The following MTHFD1 variants were observed in gnomAD, a reference collection of about 807,000 sequenced individuals.
MTHFD1 encodes the protein methylenetetrahydrofolate dehydrogenase, cyclohydrolase and formyltetrahydrofolate synthetase 1, also known as C-1-tetrahydrofolate synthase, cytoplasmic.
MTHFD1 carries 44 observed loss-of-function variants against 110.3 expected under a neutral mutation model. The observed-to-expected ratio is 0.40, with a 90% CI of 0.31 to 0.51. MTHFD1 has a LOEUF of 0.51. MTHFD1 is among the 20% of genes least tolerant of loss of function. MTHFD1 has a pLI of 0.60. For synonymous variants in MTHFD1, 402 were observed against 428.8 expected, an observed-to-expected ratio of 0.94 and a Z score of 0.77; for missense variants, 909 against 1,173.1, an observed-to-expected ratio of 0.77 and a Z score of 3.29.
At chr14:64,439,918 A>AAT (rs1566570695) in intron 17 of MTHFD1, among the ~76,000 whole-genome samples, 24 of 135,418 alleles carry the variant, frequency 1.8e-4, no homozygotes, top group East Asian at 4.6e-4. Context: ...AAAAAAAAAA[A>AAT]TGACAACTCA....
intron 24 of MTHFD1, among the ~76,000 whole-genome samples, chr14:64,450,203 AAGTAC>A (rs1045156059): frequency 3.3e-5 from 5 of 152,244 alleles, no homozygotes; most frequent in Non-Finnish European, 7.3e-5. Context: ...AAAAGGGTCA[AAGTAC>A]AGGTGGCAGA....
chr14:64,406,490 G>GT (rs56712265), intron 2 of MTHFD1, among the ~76,000 whole-genome samples: 7,705 of 123,084 alleles, frequency 0.063, 459 homozygotes, highest in African/African-American at 0.11. Context: ...TTTATTTGTG[G>GT]TTTTTTTTTT....
chr14:64,454,743 C>G lies in MTHFD1; in HGVS notation c.2586C>G (p.Ile862Met), dbSNP rs758744440. ...YTKQGFGNLP[I>M]CMAKTHLSLS... Reference sequence around the variant, plus strand: ...CCCAGGGCTTTGGGAATCTCCCCATCTGCATGGCTAAAACACACTTGTCTT... The same window carrying G: ...CCCAGGGCTTTGGGAATCTCCCCATGTGCATGGCTAAAACACACTTGTCTT... Residue 862 changes from isoleucine to methionine, a missense_variant, in exon 26 of 28, where the codon ATC (isoleucine) becomes ATG (methionine). Physicochemically the swap from Ile to Met is conservative, Grantham distance 10. Transcript: ENST00000652337. 1.9e-6 allele frequency: 3 copies of G among 1,613,944 alleles called. No homozygotes were observed. The Admixed American group carries it at 5.0e-5, about 27-fold the overall frequency.
intron 26 of MTHFD1, chr14:64,457,908 C>G: frequency 4.5e-6 from 2 of 445,614 alleles, no homozygotes; most frequent in Admixed American, 3.6e-5. Context: ...GATGACTTTA[C>G]GTTTATTTTA....
chr14:64,388,389 T>C lies in MTHFD1; in HGVS notation c.-39T>C. 6.2e-7 allele frequency: 1 copy of C among 1,614,132 alleles called. No homozygotes were observed. The highest frequency in any genetic ancestry group is 8.5e-7 in the Non-Finnish European group (1 of 1,180,018). On this transcript the variant is annotated 5_prime_UTR_variant, in exon 1 of 28. Coordinates refer to ENST00000652337, the MANE Select transcript of MTHFD1 (RefSeq NM_005956.4). ...CTGCGGAGGGAGTGGAACCTCGATA[T>C]TGGTGGTGTCCATCGTGGGCAGCGG...
At chr14:64,403,488 G>C (rs568460944) in intron 2 of MTHFD1, among the ~76,000 whole-genome samples, 1 of 151,984 alleles carries the variant, frequency 6.6e-6, no homozygotes, top group East Asian at 1.9e-4. Context: ...GGCTGGTCTC[G>C]AACTCTTGAC....
chr14:64,388,655 AG>A (rs1455701832), intron 1 of MTHFD1, 187 bp downstream of exon 1: 17 of 668,438 alleles, frequency 2.5e-5, no homozygotes, highest in Non-Finnish European at 4.4e-5. Context: ...TGGACTGCCT[AG>A]TGGCTGTAGC....
intron 24 of MTHFD1, among the ~76,000 whole-genome samples, chr14:64,451,478 T>C (rs2078372162): frequency 1.3e-5 from 2 of 152,262 alleles, no homozygotes. Flanking sequence ...GACATTGACA[T>C]TCTCCTGTTG....
At chr14:64,426,974 A>G (rs2078123843) in intron 11 of MTHFD1, among the ~76,000 whole-genome samples, 2 of 152,188 alleles carry the variant, frequency 1.3e-5, no homozygotes, top group Admixed American at 1.3e-4. Flanking sequence ...TTTTTTTCTT[A>G]AAGTTTTTTG....
Position 64,424,846 on chromosome 14 carries a change from C to T in MTHFD1, c.770C>T (p.Ala257Val). The part of the protein sequence containing the change: ...PNGRKVVGDV[A>V]YDEAKERASF... Reference sequence around the variant, plus strand: ...GGGAGAAAAGTTGTGGGTGATGTGGCATACGACGAGGCCAAAGAGAGGGCG... The same window carrying T: ...GGGAGAAAAGTTGTGGGTGATGTGGTATACGACGAGGCCAAAGAGAGGGCG... Residue 257 changes from alanine (A) to valine (V), a missense_variant, in exon 9 of 28, where the codon GCA (alanine) becomes GTA (valine). By Grantham distance (64) the Ala-to-Val change is moderately conservative. Coordinates refer to ENST00000652337, the MANE Select transcript of MTHFD1 (RefSeq NM_005956.4). 5 of 1,614,124 alleles carry T rather than the reference C, an allele frequency of 3.1e-6. No individual in the cohort carries two copies. Among genetic ancestry groups the T allele is most frequent in the Admixed American group, 1.7e-5 (1 of 59,994 alleles).
In MTHFD1 at chr14:64,430,177, C is replaced by T. The variant is rs2078146459; in HGVS notation, c.1265-7C>T. The T allele has an allele frequency of 1.2e-6, 2 of 1,613,508 alleles. No homozygotes were observed. Among genetic ancestry groups the T allele is most frequent in the Non-Finnish European group, 8.5e-7 (1 of 1,179,866 alleles). On this transcript the variant is annotated splice_polypyrimidine_tract_variant and splice_region_variant and intron_variant, in intron 12 of 27. Coordinates refer to ENST00000652337, the MANE Select transcript of MTHFD1 (RefSeq NM_005956.4). ...AACTGAGCTTCCACCCTTGACCTGT[C>T]CCCTAGGTGGCGCTGCAGGAGGCGG...
chr14:64,419,699 C>T, intron 7 of MTHFD1, 115 bp from the exon 8 acceptor site: 1 of 763,016 alleles, frequency 1.3e-6, no homozygotes, highest in Non-Finnish European at 2.3e-6. Flanking sequence ...TATGAAATAG[C>T]TTATGACACT....
rs764798781 is a variant in MTHFD1, at chr14:64,435,626, T to C, written c.1552T>C (p.Phe518Leu). Residue 518 changes from phenylalanine to leucine, a missense_variant, in exon 16 of 28, where the codon TTT becomes CTT. Transcript: ENST00000652337. ...TTLTDEEINR[F>L]ARLDIDPETI... Reference sequence around the variant, plus strand: ...ACTGACAGATGAAGAGATAAACAGATTTGCAAGATTGGACATTGATCCAGA... The same window carrying C: ...ACTGACAGATGAAGAGATAAACAGACTTGCAAGATTGGACATTGATCCAGA... The C allele has an allele frequency of 2.5e-6, 4 of 1,612,816 alleles. No individual in the cohort carries two copies. The African/African-American group carries it at 4.0e-5, about 16-fold the overall frequency.
At chr14:64,450,043 G>C (rs1349297318) in intron 24 of MTHFD1, among the ~76,000 whole-genome samples, 1 of 152,166 alleles carries the variant, frequency 6.6e-6, no homozygotes, top group African/African-American at 2.4e-5. Context: ...ACCTGCCTTG[G>C]CCTCCCAAAG....
At position 64,444,975 on chromosome 14, in the gene MTHFD1, T is replaced by C. The variant is rs965374113; in HGVS notation, c.2178+241T>C. The C allele has an allele frequency of 2.8e-5, 15 of 537,110 alleles. No individual in the cohort carries two copies. The African/African-American group carries it at 2.9e-4, about 10-fold the overall frequency. The allele number at this position is 537,110 out of a possible 1,614,324, so 33.3% of individuals were successfully genotyped here. A position where few individuals can be genotyped will look rare whatever the true frequency, so the allele number is the denominator to read the frequency against. Reference sequence around the variant, plus strand: ...GCCACTGCCCTAGACCAGTGGTTGATTCTCAACAGCTGATTTTGACCCCGG... The same window carrying C: ...GCCACTGCCCTAGACCAGTGGTTGACTCTCAACAGCTGATTTTGACCCCGG... On this transcript the variant is annotated intron_variant, in intron 22 of 27. Coordinates refer to ENST00000652337, the MANE Select transcript of MTHFD1 (RefSeq NM_005956.4).
intron 1 of MTHFD1, among the ~76,000 whole-genome samples, chr14:64,393,667 T>G (rs1003222748): frequency 1.3e-5 from 2 of 152,128 alleles, no homozygotes; most frequent in Admixed American, 6.5e-5. Flanking sequence ...GGTTTGCAAA[T>G]AAGTGTCTGT....
intron 2 of MTHFD1, among the ~76,000 whole-genome samples, chr14:64,401,089 G>A (rs989061234): frequency 1.3e-5 from 2 of 151,652 alleles, no homozygotes; most frequent in African/African-American, 4.8e-5. Flanking sequence ...CCTTTCTCTA[G>A]GCCAGTGTCT....
At chr14:64,393,888 T>G (rs1596528723) in intron 1 of MTHFD1, among the ~76,000 whole-genome samples, 1 of 151,892 alleles carries the variant, frequency 6.6e-6, no homozygotes, top group Admixed American at 6.6e-5. Flanking sequence ...AGAATAGAGG[T>G]TAAGGGGCAG....
At chr14:64,426,304 A>C (rs1003566917) in intron 11 of MTHFD1, 112 bp downstream of exon 11, 1 of 1,223,630 alleles carries the variant, frequency 8.2e-7, no homozygotes, top group Non-Finnish European at 1.2e-6. Flanking sequence ...TGATTTTAGC[A>C]TTTTCACCCG....
Sources: allele counts gnomAD v4.1 joint callset (sites outside exome capture counted in the v4.1 genomes callset), GRCh38; gene constraint gnomAD v4.1.1; transcripts MANE v1.5; gene names NCBI Gene and HGNC (gene_info 2026-07-23, HGNC 2026-07-21).